SGO1: variants seen among roughly 807,000 people sequenced by gnomAD.
The protein encoded by SGO1 is shugoshin 1, also known as serologically defined breast cancer antigen NY-BR-85.
A neutral mutation model predicts 50.5 loss-of-function variants in SGO1; 39 were observed. The observed-to-expected ratio is 0.77, with a 90% CI of 0.60 to 1.01. The LOEUF (loss-of-function observed/expected upper bound fraction) is 1.01, where lower values mean the gene tolerates loss of function less well. Ranked by LOEUF, SGO1 falls within the 50% of genes least tolerant of loss-of-function variation. SGO1 has a pLI of 0.00. For synonymous variants in SGO1, 191 were observed against 205.1 expected, an observed-to-expected ratio of 0.93 and a Z score of 0.59; for missense variants, 638 against 606.0, an observed-to-expected ratio of 1.05 and a Z score of -0.55.
At chr3:20,161,421 G>C (rs1237098856) in intron 8 of SGO1, among the ~76,000 whole-genome samples, 1 of 152,114 alleles carries the variant, frequency 6.6e-6, no homozygotes, top group African/African-American at 2.4e-5. Flanking sequence ...GCTAAAAATA[G>C]AGAAAACATT....
chr3:20,176,634 G>T lies in SGO1; in HGVS notation c.442C>A (p.Leu148Ile). 6.4e-7 allele frequency: 1 copy of T among 1,562,680 alleles called. No individual in the cohort carries two copies. The highest frequency in any genetic ancestry group is 8.6e-7 in the Non-Finnish European group (1 of 1,160,626). Residue 148 changes from leucine (L) to isoleucine (I), a missense_variant, in exon 5 of 8, where the codon CTT (leucine) becomes ATT (isoleucine). Transcript: ENST00000412997. Reference sequence around the variant, plus strand: ...TGAAATGATTCTCCTTGTCCTGGAAGTTCAGTTTCTTCAAGAGGAATTTGC... The same window carrying T: ...TGAAATGATTCTCCTTGTCCTGGAATTTCAGTTTCTTCAAGAGGAATTTGC... ...LPQIPLEETE[L>I]PGQGESFQIE...
chr3:20,178,232 C>T, intron 4 of SGO1, 39 bp downstream of exon 4: 1 of 1,345,458 alleles, frequency 7.4e-7, no homozygotes, highest in African/African-American at 1.7e-5. Context: ...TTAAACCTTT[C>T]TTAGTATTAA....
chr3:20,183,709 C>G lies in SGO1; in HGVS notation c.238G>C (p.Asp80His), dbSNP rs145242036. The G allele has an allele frequency of 4.3e-6, 7 of 1,613,094 alleles. No individual in the cohort carries two copies. The African/African-American group carries it at 9.3e-5, about 22-fold the overall frequency. The change falls in exon 3 of 8, where the codon GAT becomes CAT. Residue 80 changes from aspartate to histidine, a missense_variant. Asp to His is a moderately conservative substitution (Grantham distance 81, BLOSUM62 -1). Coordinates refer to ENST00000412997, the MANE Select transcript of SGO1 (RefSeq NM_001199251.3). Reference protein sequence around the residue: ...NEKSKVKEAQDIILQLRKECY... With the variant: ...NEKSKVKEAQHIILQLRKECY... ...TCTTTTCTCAGCTGTAGGATGATAT[C>G]TTGGGCTTCTTTCACTTTGGATTTT...
downstream of SGO1, among the ~76,000 whole-genome samples, chr3:20,168,427 CTTT>C (rs112112060): frequency 3.1e-3 from 413 of 135,058 alleles, 2 homozygotes; most frequent in African/African-American, 0.01. Flanking sequence ...CAAATGTTTG[CTTT>C]TTTTTTTTTT....
chr3:20,165,409 TG>T (rs1250957868), downstream of SGO1, among the ~76,000 whole-genome samples: 3 of 152,124 alleles, frequency 2.0e-5, no homozygotes, highest in Non-Finnish European at 2.9e-5. Flanking sequence ...GGAACCAAAT[TG>T]TAGCAGATAT....
At position 20,175,015 on chromosome 3, in the gene SGO1, A is replaced by C. The variant is rs897597419; in HGVS notation, c.516T>G (p.Asp172Glu). 6.3e-7 allele frequency: 1 copy of C among 1,589,238 alleles called. No individual in the cohort carries two copies. Among genetic ancestry groups the C allele is most frequent in the African/African-American group, 1.3e-5 (1 of 74,108 alleles). Residue 172 changes from aspartate (D) to glutamate (E), a missense_variant, in exon 6 of 8, where the codon GAT becomes GAG. Coordinates refer to ENST00000412997, the MANE Select transcript of SGO1 (RefSeq NM_001199251.3). ...PTIPQDTLGV[D>E]FDSGEAKSTD... ...TAGACTTAGCTTCACCTGAATCAAA[A>C]TCAACTCCCAGTGTGTCTTGAGGAA...
In SGO1 at chr3:20,169,486, T is replaced by C. The variant is rs1700503675; in HGVS notation, c.*1218A>G. 2 of 980,312 alleles carry C rather than the reference T, an allele frequency of 2.0e-6. No homozygotes were observed. Among genetic ancestry groups the C allele is most frequent in the Non-Finnish European group, 1.2e-6 (1 of 825,344 alleles). 60.7% of individuals were successfully genotyped at this position (980,312 alleles called of 1,614,324 possible). On this transcript the variant is annotated 3_prime_UTR_variant, in exon 8 of 8. Coordinates refer to ENST00000412997, the MANE Select transcript of SGO1 (RefSeq NM_001199251.3). ...AAGAATAGAAGGAAAGCAATCACTATCTTATACAAACTTTATTGCTCTTTA... is the reference window on the plus strand; with the variant it reads ...AAGAATAGAAGGAAAGCAATCACTACCTTATACAAACTTTATTGCTCTTTA...
At chr3:20,163,196 C>T (rs1422274268) in intron 8 of SGO1, among the ~76,000 whole-genome samples, 2 of 152,054 alleles carry the variant, frequency 1.3e-5, no homozygotes, top group Non-Finnish European at 2.9e-5. Flanking sequence ...TCATAAACTT[C>T]TATTTAGACT....
intron 3 of SGO1, among the ~76,000 whole-genome samples, chr3:20,178,923 C>A (rs538399789): frequency 4.6e-5 from 7 of 152,242 alleles, no homozygotes; most frequent in African/African-American, 1.7e-4. Flanking sequence ...AGGAAGTAAA[C>A]TGATTTAAGT....
At chr3:20,169,194 T>A (rs548179539), downstream of SGO1, 9 of 985,200 alleles carry the variant, frequency 9.1e-6, no homozygotes, top group East Asian at 7.9e-4. Context: ...ATCTGAGATA[T>A]CAGGATTAGA....
intron 3 of SGO1, among the ~76,000 whole-genome samples, chr3:20,180,439 A>G (rs1430096117): frequency 6.6e-6 from 1 of 152,196 alleles, no homozygotes; most frequent in Non-Finnish European, 1.5e-5. Context: ...CTTTTTCTCT[A>G]AGGTTGAGAG....
rs1442755380 is a variant in SGO1 at position 20,178,293 on chromosome 3, T to A, written c.394A>T (p.Asn132Tyr). Reference sequence around the variant, plus strand: ...AACGGTAAATCCTTCACAAATAAATTTCTGGAGCTGTCATCACTATTGGGG... The same window carrying A: ...AACGGTAAATCCTTCACAAATAAATATCTGGAGCTGTCATCACTATTGGGG... Reference protein sequence around the residue: ...MDPNSDDSSRNLFVKDLPQIP... With the variant: ...MDPNSDDSSRYLFVKDLPQIP... The change falls in exon 4 of 8, where the codon AAT becomes TAT. Residue 132 changes from asparagine (N) to tyrosine (Y), a missense_variant. Physicochemically the swap from Asn to Tyr is moderately radical, Grantham distance 143. Coordinates refer to ENST00000412997, the MANE Select transcript of SGO1 (RefSeq NM_001199251.3). The A allele has an allele frequency of 5.6e-6, 9 of 1,612,238 alleles. No individual in the cohort carries two copies. Among genetic ancestry groups the A allele is most frequent in the Non-Finnish European group, 7.6e-6 (9 of 1,178,586 alleles).
chr3:20,177,494 TCTCCAGGGAAC>T (rs1701531668), intron 4 of SGO1, among the ~76,000 whole-genome samples: 1 of 152,184 alleles, frequency 6.6e-6, no homozygotes, highest in Non-Finnish European at 1.5e-5. Context: ...GCAATTATGC[TCTCCAGGGAAC>T]ATGCCACAAT....
chr3:20,170,074 T>G lies in SGO1; in HGVS notation c.*630A>C. On this transcript the variant is annotated 3_prime_UTR_variant, in exon 8 of 8. Coordinates refer to ENST00000412997, the MANE Select transcript of SGO1 (RefSeq NM_001199251.3). ...AAGCTTATAATTAAAAGATCTTATT[T>G]GAGTAATCATTATTCATTTCTACAA... The G allele has an allele frequency of 1.0e-6, 1 of 985,278 alleles. No individual in the cohort carries two copies. The highest frequency in any genetic ancestry group is 1.2e-6 in the Non-Finnish European group (1 of 829,766). The allele number at this position is 985,278 out of a possible 1,614,324, so 61.0% of individuals were successfully genotyped here.
chr3:20,161,216 C>T (rs890219823), exon 9 of SGO1: 8 of 1,589,812 alleles, frequency 5.0e-6, no homozygotes, highest in Non-Finnish European at 6.8e-6. Flanking sequence ...CAGGTGATAC[C>T]TCCAGGGCTC....
chr3:20,165,473 T>A (rs1371936320), downstream of SGO1, among the ~76,000 whole-genome samples: 2 of 152,164 alleles, frequency 1.3e-5, no homozygotes, highest in African/African-American at 4.8e-5. Flanking sequence ...ACAATACATG[T>A]ACACTTAACA....
intron 4 of SGO1, chr3:20,177,364 C>T (rs1047610813): frequency 5.9e-5 from 9 of 152,110 alleles, no homozygotes; most frequent in African/African-American, 2.2e-4. Flanking sequence ...TTAAAAACTA[C>T]TAATGATTAA....
Position 20,170,693 on chromosome 3 carries a change from C to A in SGO1, c.*11G>T. 1 of 1,568,216 alleles carries A rather than the reference C, an allele frequency of 6.4e-7. No individual in the cohort carries two copies. The highest frequency in any genetic ancestry group is 8.6e-7 in the Non-Finnish European group (1 of 1,165,156). Reference sequence around the variant, plus strand: ...GTGTAGATTGAATTTAAACAATATCCAACAAAACCTTCATTGTATTTGTTT... The same window carrying A: ...GTGTAGATTGAATTTAAACAATATCAAACAAAACCTTCATTGTATTTGTTT... On this transcript the variant is annotated 3_prime_UTR_variant, in exon 8 of 8. Coordinates refer to ENST00000412997, the MANE Select transcript of SGO1 (RefSeq NM_001199251.3).
At position 20,174,531 on chromosome 3, in the gene SGO1, C is replaced by T. The variant is rs904465243; in HGVS notation, c.1000G>A (p.Ala334Thr). Residue 334 changes from alanine (A) to threonine (T), a missense_variant, in exon 6 of 8, where the codon GCT becomes ACT. By Grantham distance (58) the Ala-to-Thr change is moderately conservative. Transcript: ENST00000412997. Reference sequence around the variant, plus strand: ...CCCTCTTCCAAATTAAAATTGTAAGCATCATTGGAACTGACAGATTTGTGC... The same window carrying T: ...CCCTCTTCCAAATTAAAATTGTAAGTATCATTGGAACTGACAGATTTGTGC... ...KMHKSVSSND[A>T]YNFNLEEGVH... 7.4e-6 allele frequency: 12 copies of T among 1,613,926 alleles called. No homozygotes were observed. The highest frequency in any genetic ancestry group is 2.2e-5 in the East Asian group (1 of 44,886).
Sources: gnomAD v4.1 joint callset for allele counts (sites outside exome capture counted in the v4.1 genomes callset) on GRCh38, gnomAD v4.1.1 for gene constraint, MANE v1.5 for transcripts, NCBI Gene and HGNC (gene_info 2026-07-23, HGNC 2026-07-21) for gene names.